Variants in TP53BP1 observed in about 807,000 individuals in gnomAD.
TP53BP1 encodes TP53-binding protein 1.
TP53BP1 carries 61 observed loss-of-function variants against 200.8 expected under a neutral mutation model. The observed-to-expected ratio is 0.30, with a 90% CI of 0.25 to 0.38. TP53BP1 has a LOEUF of 0.38. Ranked by LOEUF, TP53BP1 falls within the 10% of genes least tolerant of loss-of-function variation. The pLI, the probability that TP53BP1 is intolerant of heterozygous loss-of-function variation, is 1.00. For missense variants in TP53BP1, 2,144 were observed against 2,371.9 expected (o/e 0.90, Z 2.00); for synonymous variants, 822 against 844.3 (o/e 0.97, Z 0.46).
intron 15 of TP53BP1, among the ~76,000 whole-genome samples, chr15:43,440,454 G>A (rs905682514): frequency 4.6e-5 from 7 of 151,542 alleles, no homozygotes; most frequent in Non-Finnish European, 7.4e-5. Flanking sequence ...GGCGGAGCTT[G>A]CAGTGAGCGG....
At chr15:43,448,414 C>G (rs2046091765) in intron 12 of TP53BP1, among the ~76,000 whole-genome samples, 1 of 152,136 alleles carries the variant, frequency 6.6e-6, no homozygotes, top group Non-Finnish European at 1.5e-5. Context: ...CTCAAAATAA[C>G]TATAATCTGG....
Position 43,405,104 on chromosome 15 carries a change from T to C in TP53BP1, c.*2279A>G. 8 of 1,389,612 alleles carry C rather than the reference T, an allele frequency of 5.8e-6. No individual in the cohort carries two copies. Among genetic ancestry groups the C allele is most frequent in the Middle Eastern group, 2.0e-4 (1 of 5,120 alleles). 86.1% of individuals were successfully genotyped at this position (1,389,612 alleles called of 1,614,324 possible). On this transcript the variant is annotated 3_prime_UTR_variant, in exon 28 of 28. Transcript: ENST00000382044. Reference sequence around the variant, plus strand: ...CAAAAGAAACTCTTCAGTTTTAAGATGACATTATTTAGATCACAGGTTATC... The same window carrying C: ...CAAAAGAAACTCTTCAGTTTTAAGACGACATTATTTAGATCACAGGTTATC...
chr15:43,412,932 G>C (rs1317112733), intron 24 of TP53BP1, among the ~76,000 whole-genome samples, 187 bp downstream of exon 24: 2 of 152,198 alleles, frequency 1.3e-5, no homozygotes, highest in Non-Finnish European at 2.9e-5. Flanking sequence ...CTCACTGAGA[G>C]GAATTTTGTG....
chr15:43,474,779 G>A lies in TP53BP1; in HGVS notation c.1086-12C>T, dbSNP rs1271545355. 10 of 1,572,028 alleles carry A rather than the reference G, an allele frequency of 6.4e-6. No homozygotes were observed. In the South Asian group the frequency reaches 1.0e-4, roughly 16 times the overall value. On this transcript the variant is annotated splice_polypyrimidine_tract_variant and intron_variant, in intron 9 of 27. Coordinates refer to ENST00000382044, the MANE Select transcript of TP53BP1 (RefSeq NM_001141980.3). ...GATCTGAAGAATTCCTTTATATAAA[G>A]AGAGAATCACAGGTTATTTTACCAT... is the stretch of plus-strand genomic sequence containing the variant.
intron 11 of TP53BP1, among the ~76,000 whole-genome samples, chr15:43,464,333 T>A (rs1595589506): frequency 6.6e-6 from 1 of 152,154 alleles, no homozygotes; most frequent in Admixed American, 6.5e-5. Context: ...AGAGAAATGG[T>A]ATTTAAAAAT....
Position 43,415,872 on chromosome 15 carries a change from A to G in TP53BP1, c.4874-63T>C, listed in dbSNP as rs1020489968. The stretch of plus-strand genomic sequence containing the variant: ...ATGGTATGAGGCCCTGAACTCCAAG[A>G]AACTGGGCAGACCCTGATTCAGACA... On this transcript the variant is annotated intron_variant, in intron 22 of 27. Coordinates refer to ENST00000382044, the MANE Select transcript of TP53BP1 (RefSeq NM_001141980.3). 1.6e-5 allele frequency: 22 copies of G among 1,373,160 alleles called. No individual in the cohort carries two copies. In the South Asian group the frequency reaches 2.8e-4, roughly 17 times the overall value. The allele number at this position is 1,373,160 out of a possible 1,614,324, so 85.1% of individuals were successfully genotyped here. A position where few individuals can be genotyped will look rare whatever the true frequency, so the allele number is the denominator to read the frequency against.
chr15:43,469,338 C>T (rs1351386476), intron 11 of TP53BP1, among the ~76,000 whole-genome samples: 1 of 152,094 alleles, frequency 6.6e-6, no homozygotes, highest in African/African-American at 2.4e-5. Context: ...AGAAATAATA[C>T]ATGACTTTTG....
intron 4 of TP53BP1, among the ~76,000 whole-genome samples, chr15:43,488,026 A>T (rs946172288): frequency 6.6e-6 from 1 of 152,196 alleles, no homozygotes; most frequent in Non-Finnish European, 1.5e-5. Flanking sequence ...AAGGATGGGC[A>T]TGGTGGCTCA....
intron 18 of TP53BP1, among the ~76,000 whole-genome samples, chr15:43,424,218 T>TC (rs1317596786): frequency 6.6e-6 from 1 of 152,194 alleles, no homozygotes; most frequent in Non-Finnish European, 1.5e-5. Flanking sequence ...ATGAGATACC[T>TC]CCTTGCTCCC....
chr15:43,509,831 C>CA (rs67186713), intron 1 of TP53BP1, among the ~76,000 whole-genome samples: 4,406 of 148,868 alleles, frequency 0.03, 186 homozygotes, highest in East Asian at 0.095. Context: ...GCAAACGGGA[C>CA]AAAAAAAAAC....
intron 1 of TP53BP1, among the ~76,000 whole-genome samples, chr15:43,498,319 T>A (rs2079192053): frequency 6.6e-6 from 1 of 152,212 alleles, no homozygotes; most frequent in Non-Finnish European, 1.5e-5. Flanking sequence ...TGAAGAAACC[T>A]GGTATTCACC....
Position 43,469,404 on chromosome 15 carries a change from G to A in TP53BP1, c.1389+454C>T, listed in dbSNP as rs574384499. Among the ~76,000 whole-genome samples the A allele has an allele frequency of 2.6e-5, 4 of 152,028 alleles. No homozygotes were observed. The East Asian group carries it at 7.7e-4, about 29-fold the overall frequency. On this transcript the variant is annotated intron_variant, in intron 11 of 27. Transcript: ENST00000382044. ...GAATTATTACGACACAACATTAACT[G>A]GAAAAAGAAAATTAAAGTTGTGCTA...
chr15:43,467,348 G>A (rs543990314), intron 11 of TP53BP1, among the ~76,000 whole-genome samples: 1 of 152,188 alleles, frequency 6.6e-6, no homozygotes, highest in East Asian at 1.9e-4. Flanking sequence ...ATAGGTGTGG[G>A]CTACTGCGCC....
chr15:43,454,883 G>A (rs1367038213), intron 12 of TP53BP1, among the ~76,000 whole-genome samples: 1 of 151,878 alleles, frequency 6.6e-6, no homozygotes, highest in Non-Finnish European at 1.5e-5. Flanking sequence ...TGGTACACAC[G>A]ACACACCTGG....
chr15:43,509,197 G>GC lies in TP53BP1; in HGVS notation c.-9+1172_-9+1173insG, dbSNP rs982405251. On this transcript the variant is annotated intron_variant, in intron 1 of 27. Transcript: ENST00000263801. ...GATTCAGATCCACAAACGGGGGGGG[G>GC]GGGGGCAGAGGTACAGCGGAACACC... Among the ~76,000 whole-genome samples the GC allele has an allele frequency of 2.1e-5, 2 of 96,640 alleles. 1 individual carries two copies. The highest frequency in any genetic ancestry group is 4.1e-5 in the Non-Finnish European group (2 of 48,318). 63.4% of individuals were successfully genotyped at this position (96,640 alleles called of 152,430 possible).
chr15:43,507,530 G>A (rs192942367), intron 1 of TP53BP1, among the ~76,000 whole-genome samples: 31 of 152,272 alleles, frequency 2.0e-4, no homozygotes, highest in African/African-American at 7.0e-4. Flanking sequence ...GAATTGCATC[G>A]TTTTACTACC....
intron 11 of TP53BP1, among the ~76,000 whole-genome samples, chr15:43,459,965 C>T (rs2046391980): frequency 6.6e-6 from 1 of 152,138 alleles, no homozygotes; most frequent in Non-Finnish European, 1.5e-5. Context: ...TACTGGGCAG[C>T]AGGGAGATCA....
At chr15:43,424,723 G>C (rs1046511122) in intron 18 of TP53BP1, among the ~76,000 whole-genome samples, 2 of 152,192 alleles carry the variant, frequency 1.3e-5, no homozygotes, top group African/African-American at 4.8e-5. Flanking sequence ...CCTTACTAGA[G>C]GACTTCTTAG....
intron 1 of TP53BP1, among the ~76,000 whole-genome samples, chr15:43,506,662 C>T (rs769483057): frequency 6.6e-6 from 1 of 152,192 alleles, no homozygotes; most frequent in Non-Finnish European, 1.5e-5. Flanking sequence ...AATTGGAGAG[C>T]TCCCAAAAGA....
Sources: allele counts gnomAD v4.1 joint callset (sites outside exome capture counted in the v4.1 genomes callset), GRCh38; gene constraint gnomAD v4.1.1; transcripts MANE v1.5; gene names NCBI Gene and HGNC (gene_info 2026-07-23, HGNC 2026-07-21).